The following TMTC1 variants were observed in gnomAD, a reference collection of about 807,000 sequenced individuals.
TMTC1 encodes the protein transmembrane O-mannosyltransferase targeting cadherins 1.
In TMTC1, 73 loss-of-function variants were observed where a neutral mutation model predicts 104.8. The observed-to-expected ratio is 0.70, with a 90% CI of 0.58 to 0.85. TMTC1 has a LOEUF of 0.85. TMTC1 is among the 40% of genes least tolerant of loss of function. The pLI is 0.00. For synonymous variants in TMTC1, 434 were observed against 428.7 expected, an observed-to-expected ratio of 1.01 and a Z score of -0.15; for missense variants, 1,035 against 1,096.1, an observed-to-expected ratio of 0.94 and a Z score of 0.79.
chr12:29,523,927 G>A (rs1331625486), intron 11 of TMTC1, among the ~76,000 whole-genome samples: 1 of 152,006 alleles, frequency 6.6e-6, no homozygotes, highest in African/African-American at 2.4e-5. Context: ...CCAAAATAAT[G>A]GCATCTCCTA....
At chr12:29,534,264 G>C (rs1319139866) in intron 11 of TMTC1, 19 of 152,246 alleles carry the variant, frequency 1.2e-4, no homozygotes, top group Admixed American at 1.2e-3. Context: ...GATGTTGAAA[G>C]TCAGAGAGGG....
At position 29,600,095 on chromosome 12, in the gene TMTC1, T is replaced by G. The variant is rs137922013; in HGVS notation, c.1250+4083A>C. Among the ~76,000 whole-genome samples the G allele has an allele frequency of 4.3e-3, 630 of 147,574 alleles. 4 individuals are homozygous for G. Among genetic ancestry groups the G allele is most frequent in the South Asian group, 0.022 (105 of 4,676 alleles). On this transcript the variant is annotated intron_variant, in intron 7 of 17. Coordinates refer to ENST00000539277, the MANE Select transcript of TMTC1 (RefSeq NM_001193451.2). Reference sequence around the variant, plus strand: ...TTGTCAAGGTCAGGATGGAAGGAGATTCATGAAGATATGATTCCTGGGTTA... The same window carrying G: ...TTGTCAAGGTCAGGATGGAAGGAGAGTCATGAAGATATGATTCCTGGGTTA...
In TMTC1 at chr12:29,633,193, G is replaced by T. The variant is rs142394560; in HGVS notation, c.1082C>A (p.Ala361Glu). 6.2e-7 allele frequency: 1 copy of T among 1,613,800 alleles called. No individual in the cohort carries two copies. The highest frequency in any genetic ancestry group is 8.5e-7 in the Non-Finnish European group (1 of 1,179,902). Residue 361 changes from alanine (A) to glutamate (E), a missense_variant, in exon 6 of 18, where the codon GCG becomes GAG. Ala to Glu is a moderately radical substitution (Grantham distance 107, BLOSUM62 -1). Coordinates refer to ENST00000539277, the MANE Select transcript of TMTC1 (RefSeq NM_001193451.2). ...DMRNLATIFLAVVMALLSLHC... is the reference protein window; with the variant it reads ...DMRNLATIFLEVVMALLSLHC... ...CAGGCTCAATAAGGCCATCACAACC[G>T]CCAGAAAGATGGTGGCTAAGTTCCG...
chr12:29,507,358 G>A (rs1158074164), intron 17 of TMTC1, among the ~76,000 whole-genome samples: 1 of 152,142 alleles, frequency 6.6e-6, no homozygotes, highest in Non-Finnish European at 1.5e-5. Context: ...ATGGGGTGGA[G>A]GGGATGGGAG....
At position 29,504,677 on chromosome 12, in the gene TMTC1, T is replaced by C. The variant is rs1379736723; in HGVS notation, c.*2169A>G. On this transcript the variant is annotated 3_prime_UTR_variant, in exon 18 of 18. Coordinates refer to ENST00000539277, the MANE Select transcript of TMTC1 (RefSeq NM_001193451.2). ...GAGTTTCCTGAAGGTCATGTGATCC[T>C]TTACCCTCAGAAACTTTTAGGCTGA... 5 of 152,162 alleles carry C rather than the reference T, an allele frequency of 3.3e-5. No individual in the cohort carries two copies. The highest frequency in any genetic ancestry group is 3.3e-4 in the Admixed American group (5 of 15,278). 9.4% of individuals were successfully genotyped at this position (152,162 alleles called of 1,614,324 possible). A position where few individuals can be genotyped will look rare whatever the true frequency, so the allele number is the denominator to read the frequency against.
intron 5 of TMTC1, among the ~76,000 whole-genome samples, chr12:29,731,885 T>A (rs1591986873): frequency 6.6e-6 from 1 of 152,342 alleles, no homozygotes; most frequent in East Asian, 1.9e-4. Context: ...TCTTGGCTAC[T>A]GTTTTCTTCT....
intron 6 of TMTC1, among the ~76,000 whole-genome samples, chr12:29,611,896 C>T (rs1172792242): frequency 6.6e-6 from 1 of 152,168 alleles, no homozygotes. Context: ...ATACCATATG[C>T]CAGACACTTG....
In TMTC1 at chr12:29,712,100, T is replaced by A. The variant is rs1231715670; in HGVS notation, c.938+39566A>T. Among the ~76,000 whole-genome samples, 3 of 147,710 alleles carry A rather than the reference T, an allele frequency of 2.0e-5. No homozygotes were observed. In the East Asian group the frequency reaches 6.1e-4, roughly 30 times the overall value. ...TCATCAGGGGACACTGCTCTCCAGC[T>A]CTCCAATATAACGCAAACTTCCCCT... is the stretch of plus-strand genomic sequence containing the variant. On this transcript the variant is annotated intron_variant, in intron 5 of 17. Transcript: ENST00000539277.
chr12:29,746,483 T>C (rs571470742), intron 5 of TMTC1, among the ~76,000 whole-genome samples: 47 of 152,174 alleles, frequency 3.1e-4, no homozygotes, highest in Non-Finnish European at 6.2e-4. Flanking sequence ...TCCCTACTCA[T>C]AGAATCATAA....
At chr12:29,723,849 T>C (rs1207675323) in intron 5 of TMTC1, among the ~76,000 whole-genome samples, 2 of 152,240 alleles carry the variant, frequency 1.3e-5, no homozygotes, top group African/African-American at 2.4e-5. Flanking sequence ...TACTGAGACA[T>C]TTGGTTATTC....
intron 5 of TMTC1, among the ~76,000 whole-genome samples, chr12:29,643,640 T>TATATAG (rs369873387): frequency 6.2e-5 from 2 of 32,110 alleles, no homozygotes; most frequent in Non-Finnish European, 9.8e-5. Context: ...ATATATATAA[T>TATATAG]ATATATGTTA....
chr12:29,732,823 C>G lies in TMTC1; in HGVS notation c.938+18843G>C, dbSNP rs111268902. Among the ~76,000 whole-genome samples, 29 of 152,218 alleles carry G rather than the reference C, an allele frequency of 1.9e-4. 3 individuals are homozygous for G. The highest frequency in any genetic ancestry group is 7.0e-4 in the African/African-American group (29 of 41,532). On this transcript the variant is annotated intron_variant, in intron 5 of 17. Transcript: ENST00000539277. Reference sequence around the variant, plus strand: ...CCCTGTCCAGAGGGAGGAGGCCACTCCCCACATCCCCTTTATGCAGGCTTC... The same window carrying G: ...CCCTGTCCAGAGGGAGGAGGCCACTGCCCACATCCCCTTTATGCAGGCTTC...
At chr12:29,516,683 G>A (rs891681017) in intron 14 of TMTC1, among the ~76,000 whole-genome samples, 197 bp from the exon 15 acceptor site, 2 of 152,172 alleles carry the variant, frequency 1.3e-5, no homozygotes, top group African/African-American at 4.8e-5. Context: ...TTTTGTGCAT[G>A]CATTTGTGAG....
intron 10 of TMTC1, among the ~76,000 whole-genome samples, chr12:29,551,796 T>TG (rs1220695595): frequency 6.6e-6 from 1 of 151,852 alleles, no homozygotes; most frequent in Non-Finnish European, 1.5e-5. Context: ...TCTTTTTTTT[T>TG]TTTTTTTGAC....
chr12:29,598,001 A>G (rs1194085946), intron 7 of TMTC1, among the ~76,000 whole-genome samples: 1 of 152,190 alleles, frequency 6.6e-6, no homozygotes, highest in African/African-American at 2.4e-5. Flanking sequence ...TTTATCTCCA[A>G]ACCAGTGAAA....
At chr12:29,687,943 C>T (rs753801715) in intron 5 of TMTC1, among the ~76,000 whole-genome samples, 1 of 152,108 alleles carries the variant, frequency 6.6e-6, no homozygotes, top group Non-Finnish European at 1.5e-5. Flanking sequence ...CCTTAAAGGG[C>T]CTGTCTCCAA....
chr12:29,655,471 A>G (rs1939713723), intron 5 of TMTC1, among the ~76,000 whole-genome samples: 1 of 152,188 alleles, frequency 6.6e-6, no homozygotes, highest in African/African-American at 2.4e-5. Context: ...CTGTACATTA[A>G]ATTCTAAGAT....
intron 5 of TMTC1, among the ~76,000 whole-genome samples, chr12:29,675,893 TAAG>T (rs1356312311): frequency 6.6e-6 from 1 of 152,164 alleles, no homozygotes; most frequent in Non-Finnish European, 1.5e-5. Context: ...TAATAACCAT[TAAG>T]ACTGTACAGA....
chr12:29,619,158 A>G (rs1259738969), intron 6 of TMTC1, among the ~76,000 whole-genome samples: 1 of 152,188 alleles, frequency 6.6e-6, no homozygotes, highest in Non-Finnish European at 1.5e-5. Flanking sequence ...TCACTAATAA[A>G]CTCAGTGAGT....
Sources: gnomAD v4.1 joint callset for allele counts (sites outside exome capture counted in the v4.1 genomes callset) on GRCh38, gnomAD v4.1.1 for gene constraint, MANE v1.5 for transcripts, NCBI Gene and HGNC (gene_info 2026-07-23, HGNC 2026-07-21) for gene names.